SMAD3: variants seen among roughly 807,000 people sequenced by gnomAD.
The protein encoded by SMAD3 is MAD homolog 3.
SMAD3 carries 12 observed loss-of-function variants against 51.8 expected under a neutral mutation model. The ratio of observed to expected loss-of-function variants is 0.23; its 90% CI spans 0.15 to 0.38. SMAD3 has a LOEUF of 0.38. Ranked by LOEUF, SMAD3 falls within the 10% of genes least tolerant of loss-of-function variation. SMAD3 has a pLI of 1.00. For missense variants in SMAD3, 294 were observed against 565.6 expected (o/e 0.52, Z 4.87); for synonymous variants, 238 against 227.7 (o/e 1.05, Z -0.41).
Position 67,194,057 on chromosome 15 carries a change from C to T in SMAD3, c.*3521C>T. 4.3e-6 allele frequency: 1 copy of T among 233,296 alleles called. No individual in the cohort carries two copies. 14.5% of individuals were successfully genotyped at this position (233,296 alleles called of 1,614,324 possible). ...GCAGGCTGCTTGTAGGACTGTTCAC[C>T]AAGGGGGATACCAGCAGCAAGAGAG... On this transcript the variant is annotated 3_prime_UTR_variant, in exon 9 of 9. Transcript: ENST00000327367.
intron 1 of SMAD3, among the ~76,000 whole-genome samples, chr15:67,156,917 G>A (rs1168552020): frequency 2.0e-5 from 3 of 152,188 alleles, no homozygotes; most frequent in East Asian, 3.8e-4. Flanking sequence ...ACTGGCCAAT[G>A]CAAGTCAATA....
chr15:67,091,242 C>T (rs1406256419), intron 1 of SMAD3, among the ~76,000 whole-genome samples: 1 of 152,256 alleles, frequency 6.6e-6, no homozygotes, highest in Non-Finnish European at 1.5e-5. Flanking sequence ...GCTCCCCCAG[C>T]CGTCTCCAGG....
Position 67,181,335 on chromosome 15 carries a change from G to T in SMAD3, c.753G>T (p.Ser251=). The T allele has an allele frequency of 1.2e-6, 2 of 1,614,032 alleles. No homozygotes were observed. The highest frequency in any genetic ancestry group is 1.7e-6 in the Non-Finnish European group (2 of 1,180,018). Residue 251 remains serine (S), a synonymous_variant, in exon 6 of 9, where the codon TCG becomes TCT. Transcript: ENST00000327367. ...GCGTCGGGGAGACATTCCACGCCTC[G>T]CAGCCATCCATGACTGTGGATGGCT... ...NQRVGETFHA[S]QPSMTVDGFT... is the part of the protein sequence containing the mutation.
intron 1 of SMAD3, among the ~76,000 whole-genome samples, chr15:67,155,264 C>T (rs1050304007): frequency 2.6e-5 from 4 of 152,170 alleles, no homozygotes; most frequent in African/African-American, 9.7e-5. Flanking sequence ...GGACTGGGCT[C>T]ATAACTCCCT....
chr15:67,100,650 A>G (rs998517107), intron 1 of SMAD3, among the ~76,000 whole-genome samples: 1 of 152,164 alleles, frequency 6.6e-6, no homozygotes, highest in African/African-American at 2.4e-5. Context: ...TTTAATATAT[A>G]TTAAAATCAA....
At chr15:67,145,212 C>T (rs1337856167) in intron 1 of SMAD3, among the ~76,000 whole-genome samples, 3 of 152,138 alleles carry the variant, frequency 2.0e-5, no homozygotes, top group Admixed American at 1.3e-4. Flanking sequence ...GTCCAGCCTG[C>T]CCATTTTATA....
intron 1 of SMAD3, among the ~76,000 whole-genome samples, chr15:67,115,961 G>A (rs1160114883): frequency 2.8e-5 from 4 of 141,092 alleles, no homozygotes; most frequent in African/African-American, 9.8e-5. Context: ...CTCATCTCTG[G>A]ACTTCTGTAG....
At chr15:67,170,216 T>C (rs1041087279) in intron 4 of SMAD3, among the ~76,000 whole-genome samples, 38 of 152,134 alleles carry the variant, frequency 2.5e-4, no homozygotes, top group African/African-American at 9.2e-4. Flanking sequence ...TGGTGTAAGC[T>C]AAAGAAAAAA....
chr15:67,183,557 G>A (rs1170027301), intron 6 of SMAD3, among the ~76,000 whole-genome samples: 1 of 152,148 alleles, frequency 6.6e-6, no homozygotes, highest in East Asian at 1.9e-4. Context: ...ATAGGAGGCA[G>A]GACAGGGGAC....
At chr15:67,113,088 ATATATATT>A (rs1414195117) in intron 1 of SMAD3, among the ~76,000 whole-genome samples, 1 of 100,990 alleles carries the variant, frequency 9.9e-6, no homozygotes, top group Non-Finnish European at 1.8e-5. Context: ...ATATATATAT[ATATATATT>A]TTTTTGAGAC....
intron 1 of SMAD3, among the ~76,000 whole-genome samples, chr15:67,159,870 G>C (rs1022820192): frequency 1.1e-4 from 16 of 152,040 alleles, no homozygotes; most frequent in African/African-American, 3.9e-4. Context: ...ATCCTTTTTT[G>C]TTACTGAGTT....
At chr15:67,142,904 A>C in intron 1 of SMAD3, 1 of 447,304 alleles carries the variant, frequency 2.2e-6, no homozygotes, top group South Asian at 1.6e-5. Context: ...CAGCCTCTGC[A>C]TACCCGTCGG....
intron 1 of SMAD3, among the ~76,000 whole-genome samples, chr15:67,112,555 A>G (rs997899032): frequency 7.5e-6 from 1 of 133,726 alleles, no homozygotes; most frequent in Non-Finnish European, 1.5e-5. Flanking sequence ...CATGGTTTGC[A>G]AATATTTTCT....
At chr15:67,072,933 C>A (rs1423828963) in intron 1 of SMAD3, among the ~76,000 whole-genome samples, 1 of 152,164 alleles carries the variant, frequency 6.6e-6, no homozygotes, top group Non-Finnish European at 1.5e-5. Flanking sequence ...CATTTTTATG[C>A]CTTCCTTTAA....
At position 67,192,773 on chromosome 15, in the gene SMAD3, A is replaced by AG. The variant is rs1245000661; in HGVS notation, c.*2238dup. 2 of 233,142 alleles carry AG rather than the reference A, an allele frequency of 8.6e-6. No homozygotes were observed. Among genetic ancestry groups the AG allele is most frequent in the Non-Finnish European group, 1.7e-5 (2 of 117,976 alleles). The allele number at this position is 233,142 out of a possible 1,614,324, so 14.4% of individuals were successfully genotyped here. The stretch of plus-strand genomic sequence containing the variant: ...ACTCCAGGTGAAGGGGGAAAAAAAA[A>AG]GCCTATACTTTGGCAGGTTATGAAC... On this transcript the variant is annotated 3_prime_UTR_variant, in exon 9 of 9. Transcript: ENST00000327367.
intron 1 of SMAD3, among the ~76,000 whole-genome samples, chr15:67,152,114 T>C (rs1368591844): frequency 6.6e-6 from 1 of 152,216 alleles, no homozygotes; most frequent in African/African-American, 2.4e-5. Flanking sequence ...TTTGAGACCT[T>C]TAACAAATTT....
chr15:67,162,425 C>A (rs897373255), intron 1 of SMAD3, among the ~76,000 whole-genome samples: 3 of 152,166 alleles, frequency 2.0e-5, no homozygotes, highest in African/African-American at 7.2e-5. Flanking sequence ...CATGAGCATC[C>A]ATCTCATCTG....
intron 1 of SMAD3, among the ~76,000 whole-genome samples, chr15:67,080,482 T>A (rs749015884): frequency 4.3e-4 from 65 of 152,214 alleles, no homozygotes; most frequent in Non-Finnish European, 2.8e-4. Flanking sequence ...CATCAGGCCC[T>A]GTCCCTTTGA....
intron 6 of SMAD3, among the ~76,000 whole-genome samples, 173 bp downstream of exon 6, chr15:67,181,626 ACT>A (rs1963063142): frequency 6.6e-6 from 1 of 150,814 alleles, no homozygotes; most frequent in East Asian, 2.0e-4. Flanking sequence ...AGTCCCCTAC[ACT>A]CTCTGTTGCC....
Sources: allele counts gnomAD v4.1 joint callset (sites outside exome capture counted in the v4.1 genomes callset), GRCh38; gene constraint gnomAD v4.1.1; transcripts MANE v1.5; gene names NCBI Gene and HGNC (gene_info 2026-07-23, HGNC 2026-07-21).